Variants in STMN3 observed in about 807,000 individuals in gnomAD.
STMN3 encodes stathmin-3.
Under a neutral mutation model 23.2 loss-of-function variants are expected in STMN3, and 24 were observed. The ratio of observed to expected loss-of-function variants is 1.03; its 90% CI spans 0.75 to 1.45. STMN3 has a LOEUF of 1.45. Ranked by LOEUF, STMN3 falls within the 40% of genes most tolerant of loss-of-function variation. The probability of loss-of-function intolerance (pLI) is 0.00; values close to 1 mark genes in which losing one functional copy is unlikely to be tolerated. For synonymous variants in STMN3, 117 were observed against 103.4 expected (o/e 1.13, Z -0.80); for missense variants, 235 against 237.6 (o/e 0.99, Z 0.07).
At position 63,643,772 on chromosome 20, in the gene STMN3, G is replaced by A; in HGVS notation, c.275C>T (p.Ala92Val). 3.2e-6 allele frequency: 5 copies of A among 1,548,446 alleles called. No homozygotes were observed. The highest frequency in any genetic ancestry group is 4.3e-6 in the Non-Finnish European group (5 of 1,156,868). ...LEELQKRLEAAEERRKTQEAQ... is the reference protein window; with the variant it reads ...LEELQKRLEAVEERRKTQEAQ... Reference sequence around the variant, plus strand: ...ACTCCTTGCCTTCCTCCGCTCCTCGGCTGCCTCCAGCCGCTTTTGCAGCTC... The same window carrying A: ...ACTCCTTGCCTTCCTCCGCTCCTCGACTGCCTCCAGCCGCTTTTGCAGCTC... The change falls in exon 3 of 5, where the codon GCC (alanine) becomes GTC (valine). Residue 92 changes from alanine to valine, a missense_variant. By Grantham distance (64) the Ala-to-Val change is moderately conservative. Coordinates refer to ENST00000370053, the MANE Select transcript of STMN3 (RefSeq NM_015894.4).
At chr20:63,646,097 A>G (rs1489615956) in intron 1 of STMN3, among the ~76,000 whole-genome samples, 3 of 152,064 alleles carry the variant, frequency 2.0e-5, no homozygotes, top group African/African-American at 4.8e-5. Flanking sequence ...AGTGCAGAGA[A>G]TGGTCTGTCC....
At chr20:63,650,329 G>A (rs1265793659) in intron 1 of STMN3, among the ~76,000 whole-genome samples, 1 of 152,182 alleles carries the variant, frequency 6.6e-6, no homozygotes, top group Non-Finnish European at 1.5e-5. Flanking sequence ...GAGGAAATGC[G>A]GATTGGCCTT....
chr20:63,644,093 C>T, intron 2 of STMN3, 121 bp downstream of exon 2: 3 of 1,324,052 alleles, frequency 2.3e-6, no homozygotes, highest in Non-Finnish European at 2.1e-6. Flanking sequence ...GCCCCTTCCC[C>T]CTAGAACCTC....
At chr20:63,649,546 T>G (rs1286082806) in intron 1 of STMN3, among the ~76,000 whole-genome samples, 3 of 152,094 alleles carry the variant, frequency 2.0e-5, no homozygotes. Context: ...TTTTGTTTTT[T>G]TGGAGACGGA....
At chr20:63,643,717 T>C (rs753547046) in intron 3 of STMN3, 39 bp downstream of exon 3, 64 of 1,494,014 alleles carry the variant, frequency 4.3e-5, no homozygotes, top group Non-Finnish European at 5.4e-5. Context: ...GCCGCCTCCG[T>C]TGAAACTCCT....
Position 63,646,171 on chromosome 20 carries a change from T to C in STMN3, c.20-1862A>G, listed in dbSNP as rs186906453. Among the ~76,000 whole-genome samples, 233 of 151,814 alleles carry C rather than the reference T, an allele frequency of 1.5e-3. 1 individual carries two copies. The highest frequency in any genetic ancestry group is 0.01 in the Middle Eastern group (3 of 294). On this transcript the variant is annotated intron_variant, in intron 1 of 4. Transcript: ENST00000370053. ...GAGCAGCACAGAGCCCAAGAGGGTG[T>C]AAGGAGGAGCAGAAAGGAATCCCAG...
intron 1 of STMN3, among the ~76,000 whole-genome samples, chr20:63,648,287 G>C (rs957680900): frequency 2.0e-5 from 3 of 151,924 alleles, no homozygotes; most frequent in Admixed American, 1.3e-4. Flanking sequence ...GAGAGCAAGA[G>C]GGAGTTTGGG....
At chr20:63,647,847 TTAA>T (rs1478181480) in intron 1 of STMN3, among the ~76,000 whole-genome samples, 1 of 123,768 alleles carries the variant, frequency 8.1e-6, no homozygotes, top group Non-Finnish European at 1.8e-5. Flanking sequence ...TATGTATATA[TTAA>T]TATATATACG....
chr20:63,641,463 G>C, intron 4 of STMN3, 66 bp from the exon 5 acceptor site: 2 of 1,400,312 alleles, frequency 1.4e-6, no homozygotes, highest in Non-Finnish European at 2.0e-6. Flanking sequence ...GGAACCCCCA[G>C]GCGCGCAGGC....
rs1243880480 is a variant in STMN3 at position 63,641,397 on chromosome 20, C to T, written c.484G>A (p.Glu162Lys). The change falls in exon 5 of 5, where the codon GAG (glutamate) becomes AAG (lysine). Residue 162 changes from glutamate (E) to lysine (K), a missense_variant and splice_region_variant. By Grantham distance (56) the Glu-to-Lys change is moderately conservative. Transcript: ENST00000370053. ...CTGCGCACCTCGGCCGCGTGCAGCT[C>T]CTGCAGGACAGGGGGCGGGAGGGCC... Reference protein sequence around the residue: ...AALRERLREKELHAAEVRRNK... With the variant: ...AALRERLREKKLHAAEVRRNK... The T allele has an allele frequency of 1.9e-6, 3 of 1,565,378 alleles. No individual in the cohort carries two copies. The highest frequency in any genetic ancestry group is 2.3e-4 in the Middle Eastern group (1 of 4,436).
At chr20:63,649,265 G>T (rs2089839718) in intron 1 of STMN3, among the ~76,000 whole-genome samples, 1 of 152,304 alleles carries the variant, frequency 6.6e-6, no homozygotes, top group African/African-American at 2.4e-5. Flanking sequence ...GCAGATTGGA[G>T]GGGGCAGGAC....
intron 4 of STMN3, 71 bp from the exon 5 acceptor site, chr20:63,641,468 G>A (rs1309706810): frequency 2.3e-6 from 3 of 1,321,780 alleles, no homozygotes. Flanking sequence ...CCCCAGGCGC[G>A]CAGGCCGTGG....
intron 1 of STMN3, among the ~76,000 whole-genome samples, chr20:63,649,133 G>A (rs1298026038): frequency 6.6e-6 from 1 of 152,150 alleles, no homozygotes; most frequent in Non-Finnish European, 1.5e-5. Flanking sequence ...TCTCCCAGCT[G>A]GTGGCCCATG....
At position 63,652,315 on chromosome 20, in the gene STMN3, G is replaced by A. The variant is rs1307469064; in HGVS notation, c.19+1012C>T. 2 of 153,108 alleles carry A rather than the reference G, an allele frequency of 1.3e-5. No individual in the cohort carries two copies. The highest frequency in any genetic ancestry group is 6.5e-5 in the Admixed American group (1 of 15,288). The allele number at this position is 153,108 out of a possible 1,614,324, so 9.5% of individuals were successfully genotyped here. ...CGTAAGAAAAGGTGGGAGGGAGTGC[G>A]GCTCGTGAACGGGGGCGGCGATGGG... On this transcript the variant is annotated intron_variant, in intron 1 of 4. Transcript: ENST00000370053. The surrounding 1 kb of genome is among the most constrained non-coding windows in gnomAD (Gnocchi z 5.3).
intron 1 of STMN3, among the ~76,000 whole-genome samples, chr20:63,646,225 G>C (rs973798439): frequency 9.2e-5 from 14 of 152,074 alleles, no homozygotes; most frequent in Non-Finnish European, 1.5e-5. Flanking sequence ...AGAGCCTTTG[G>C]GGGAAGGAAT....
intron 1 of STMN3, among the ~76,000 whole-genome samples, chr20:63,647,639 T>G (rs1327213461): frequency 7.2e-6 from 1 of 139,706 alleles, no homozygotes; most frequent in Non-Finnish European, 1.5e-5. Context: ...AACAAACATA[T>G]ATATATATAC....
intron 1 of STMN3, among the ~76,000 whole-genome samples, 184 bp from the exon 2 acceptor site, chr20:63,644,493 G>A (rs145798094): frequency 5.9e-5 from 9 of 152,154 alleles, no homozygotes; most frequent in Non-Finnish European, 1.0e-4. Flanking sequence ...TCCAGACGTC[G>A]GCACTGTCTC....
chr20:63,642,561 C>T (rs992107873), intron 3 of STMN3, among the ~76,000 whole-genome samples: 4 of 152,100 alleles, frequency 2.6e-5, no homozygotes, highest in Non-Finnish European at 2.9e-5. Flanking sequence ...TCCCGCGGTC[C>T]TGGCTGCGCC....
chr20:63,646,400 G>C (rs1406892708), intron 1 of STMN3, among the ~76,000 whole-genome samples: 1 of 152,042 alleles, frequency 6.6e-6, no homozygotes, highest in Non-Finnish European at 1.5e-5. Context: ...TGTTGCCCAG[G>C]CTGCAGTGCA....
Sources: allele counts gnomAD v4.1 joint callset (sites outside exome capture counted in the v4.1 genomes callset), GRCh38; gene constraint gnomAD v4.1.1; non-coding constraint Gnocchi (gnomAD v3.1); transcripts MANE v1.5; gene names NCBI Gene and HGNC (gene_info 2026-07-23, HGNC 2026-07-21).